ASIC2: variants seen among roughly 807,000 people sequenced by gnomAD.
ASIC2 encodes the protein acid sensing ion channel subunit 2.
ASIC2 carries 25 observed loss-of-function variants against 57.3 expected under a neutral mutation model. That is an observed-to-expected ratio of 0.44 (90% CI 0.32 to 0.61). The LOEUF (loss-of-function observed/expected upper bound fraction) is 0.61. ASIC2 is among the 20% of genes least tolerant of loss of function. The pLI is 0.06. For synonymous variants in ASIC2, 319 were observed against 307.5 expected (o/e 1.04, Z -0.39); for missense variants, 641 against 738.1 (o/e 0.87, Z 1.52).
At chr17:33,699,932 A>G (rs975450380) in intron 1 of ASIC2, among the ~76,000 whole-genome samples, 21 of 152,316 alleles carry the variant, frequency 1.4e-4, no homozygotes, top group African/African-American at 5.0e-4. Flanking sequence ...AGCCAATTAC[A>G]TAGACTTCTG....
chr17:33,541,366 A>C (rs1915404512), intron 1 of ASIC2: 2 of 152,156 alleles, frequency 1.3e-5, no homozygotes, highest in Admixed American at 1.3e-4. Flanking sequence ...GAAACCCCAC[A>C]ATGTCCCCCC....
chr17:33,857,340 T>C (rs1429662603), intron 1 of ASIC2, among the ~76,000 whole-genome samples: 3 of 152,092 alleles, frequency 2.0e-5, no homozygotes, highest in Non-Finnish European at 2.9e-5. Flanking sequence ...AAGGGGAAAC[T>C]GAGAAGGAGA....
chr17:33,889,296 C>T (rs189008083), intron 1 of ASIC2, among the ~76,000 whole-genome samples: 9 of 152,236 alleles, frequency 5.9e-5, no homozygotes, highest in Admixed American at 3.9e-4. Flanking sequence ...CCTAAAGTCA[C>T]GGTTGCTACT....
intron 3 of ASIC2, among the ~76,000 whole-genome samples, chr17:33,088,222 G>T (rs368323211): frequency 6.6e-6 from 1 of 152,154 alleles, no homozygotes; most frequent in Non-Finnish European, 1.5e-5. Context: ...GTGTCTCTCC[G>T]CAGTCCTGCT....
intron 1 of ASIC2, among the ~76,000 whole-genome samples, chr17:33,711,571 G>T (rs1909036852): frequency 6.6e-6 from 1 of 152,182 alleles, no homozygotes. Flanking sequence ...AAAGAAAAGA[G>T]GTTTAATTGA....
chr17:33,468,674 C>T (rs1912940102), intron 1 of ASIC2, among the ~76,000 whole-genome samples: 1 of 150,282 alleles, frequency 6.7e-6, no homozygotes, highest in Non-Finnish European at 1.5e-5. Context: ...ATATGTATAC[C>T]CCCACCCCAC....
At chr17:34,036,254 C>T (rs1907872362) in intron 1 of ASIC2, among the ~76,000 whole-genome samples, 1 of 151,552 alleles carries the variant, frequency 6.6e-6, no homozygotes, top group South Asian at 2.1e-4. Context: ...CCATCATTCT[C>T]AGCAAGCTAT....
At chr17:33,825,020 C>G (rs528438868) in intron 1 of ASIC2, among the ~76,000 whole-genome samples, 1 of 152,290 alleles carries the variant, frequency 6.6e-6, no homozygotes, top group East Asian at 1.9e-4. Flanking sequence ...GTCTCTCTCC[C>G]CGTCTCGCTC....
At chr17:33,037,533 C>CACT (rs2091914281) in intron 3 of ASIC2, among the ~76,000 whole-genome samples, 2 of 145,690 alleles carry the variant, frequency 1.4e-5, no homozygotes, top group Non-Finnish European at 3.0e-5. Context: ...TGCACAGCAC[C>CACT]GACTCTTGCT....
At chr17:33,896,546 C>T (rs528308467) in intron 1 of ASIC2, among the ~76,000 whole-genome samples, 1 of 152,328 alleles carries the variant, frequency 6.6e-6, no homozygotes, top group African/African-American at 2.4e-5. Context: ...AGGGTCTGTT[C>T]GCTTGGCCTG....
intron 5 of ASIC2, among the ~76,000 whole-genome samples, chr17:33,025,649 C>T (rs1217325319): frequency 3.3e-5 from 5 of 151,988 alleles, no homozygotes; most frequent in Admixed American, 3.3e-4. Context: ...CCCTGAAACC[C>T]ACTCCTTCTC....
intron 1 of ASIC2, among the ~76,000 whole-genome samples, chr17:33,174,181 C>T (rs868179343): frequency 1.4e-4 from 21 of 152,108 alleles, no homozygotes; most frequent in African/African-American, 4.3e-4. Flanking sequence ...CAGCACTTTG[C>T]GAGGCCAAGG....
At chr17:33,393,742 G>A (rs1258871184) in intron 1 of ASIC2, among the ~76,000 whole-genome samples, 1 of 152,150 alleles carries the variant, frequency 6.6e-6, no homozygotes, top group Non-Finnish European at 1.5e-5. Flanking sequence ...GGCACACCTG[G>A]GGGTTCATGG....
intron 1 of ASIC2, among the ~76,000 whole-genome samples, chr17:34,083,502 T>G (rs1022065467): frequency 6.6e-6 from 1 of 151,858 alleles, no homozygotes; most frequent in Non-Finnish European, 1.5e-5. Flanking sequence ...TGTGTCTTTA[T>G]AGCAGCATGA....
chr17:33,634,281 T>C (rs1906273699), intron 1 of ASIC2, among the ~76,000 whole-genome samples: 1 of 151,972 alleles, frequency 6.6e-6, no homozygotes. Context: ...TAGATCAACC[T>C]CCCCCCTTCA....
At chr17:33,591,485 G>A (rs532992426) in intron 1 of ASIC2, among the ~76,000 whole-genome samples, 2 of 152,280 alleles carry the variant, frequency 1.3e-5, no homozygotes, top group African/African-American at 2.4e-5. Flanking sequence ...GTCGGCAGCC[G>A]CCATCAATCG....
intron 1 of ASIC2, among the ~76,000 whole-genome samples, chr17:33,180,298 T>C (rs1010625670): frequency 1.3e-5 from 2 of 152,212 alleles, no homozygotes; most frequent in South Asian, 4.1e-4. Context: ...ATGTTGTTAG[T>C]GACCAGAACT....
intron 1 of ASIC2, among the ~76,000 whole-genome samples, chr17:33,639,773 A>G (rs1906496924): frequency 6.6e-6 from 1 of 151,808 alleles, no homozygotes; most frequent in Non-Finnish European, 1.5e-5. Flanking sequence ...AAAAAAAAAA[A>G]AAAAAGCGGA....
At chr17:33,060,620 T>C (rs2092016992) in intron 3 of ASIC2, among the ~76,000 whole-genome samples, 1 of 152,062 alleles carries the variant, frequency 6.6e-6, no homozygotes, top group Admixed American at 6.6e-5. Flanking sequence ...GTTCTTTTGG[T>C]TTAGGATTGA....
Sources: gnomAD v4.1 joint callset for allele counts (sites outside exome capture counted in the v4.1 genomes callset) on GRCh38, gnomAD v4.1.1 for gene constraint, MANE v1.5 for transcripts, NCBI Gene and HGNC (gene_info 2026-07-23, HGNC 2026-07-21) for gene names.